Variants in MACROD2 observed in about 807,000 individuals in gnomAD.
The protein encoded by MACROD2 is ADP-ribose glycohydrolase MACROD2.
In MACROD2, 36 loss-of-function variants were observed where a neutral mutation model predicts 70.4. That is an observed-to-expected ratio of 0.51 (90% confidence interval 0.39 to 0.68). The LOEUF is 0.68. Ranked by LOEUF, MACROD2 falls within the 30% of genes least tolerant of loss-of-function variation. The pLI, the probability that MACROD2 is intolerant of heterozygous loss-of-function variation, is 0.00. For synonymous variants in MACROD2, 172 were observed against 178.8 expected (o/e 0.96, Z 0.30); for missense variants, 496 against 538.4 (o/e 0.92, Z 0.78).
intron 4 of MACROD2, among the ~76,000 whole-genome samples, chr20:14,525,885 T>C (rs2085225314): frequency 6.6e-6 from 1 of 152,234 alleles, no homozygotes; most frequent in South Asian, 2.1e-4. Flanking sequence ...TTTTCATTCA[T>C]TGCAGCCAAT....
chr20:14,504,322 T>C (rs2084946915), intron 4 of MACROD2, among the ~76,000 whole-genome samples: 1 of 152,188 alleles, frequency 6.6e-6, no homozygotes, highest in African/African-American at 2.4e-5. Context: ...TAGATAGATA[T>C]TATTATTCTT....
At position 15,311,966 on chromosome 20, in the gene MACROD2, A is replaced by T. The variant is rs183118284; in HGVS notation, c.540+81905A>T. Among the ~76,000 whole-genome samples the T allele has an allele frequency of 8.9e-3, 1,346 of 151,898 alleles. 11 individuals carry two copies. The highest frequency in any genetic ancestry group is 0.027 in the Middle Eastern group (8 of 294). On this transcript the variant is annotated intron_variant, in intron 6 of 17. Transcript: ENST00000684519. The stretch of plus-strand genomic sequence containing the variant: ...GAAAACAAAACCAAAGTGAAATTTT[A>T]AAAAAAAATTGTTTTGGAAAGTAAT...
chr20:14,969,383 CACACACACACACACACACAT>C (rs1460861692), intron 5 of MACROD2, among the ~76,000 whole-genome samples: 3 of 150,734 alleles, frequency 2.0e-5, no homozygotes, highest in Admixed American at 6.6e-5. Context: ...CACACACACA[CACACACACACACACACACAT>C]ATATAAGCAT....
chr20:16,029,329 C>T, intron 15 of MACROD2, among the ~76,000 whole-genome samples: 1 of 152,156 alleles, frequency 6.6e-6, no homozygotes, highest in Non-Finnish European at 1.5e-5. Flanking sequence ...ATTCTTGAAA[C>T]CAGCTGCTGG....
intron 5 of MACROD2, among the ~76,000 whole-genome samples, chr20:15,107,983 C>CTTTT (rs76491578): frequency 2.1e-5 from 3 of 142,680 alleles, no homozygotes; most frequent in African/African-American, 2.6e-5. Flanking sequence ...AGAGCAAGCT[C>CTTTT]TTTTTTTTTT....
At chr20:15,752,670 A>G (rs1170679440) in intron 8 of MACROD2, among the ~76,000 whole-genome samples, 2 of 152,074 alleles carry the variant, frequency 1.3e-5, no homozygotes, top group African/African-American at 2.4e-5. Context: ...CATTTCTTGT[A>G]TTAAACTTTA....
At chr20:14,863,290 T>C (rs1241089380) in intron 5 of MACROD2, among the ~76,000 whole-genome samples, 1 of 152,104 alleles carries the variant, frequency 6.6e-6, no homozygotes, top group East Asian at 1.9e-4. Context: ...TATGGGCACA[T>C]TTCACATTGT....
intron 5 of MACROD2, among the ~76,000 whole-genome samples, chr20:15,178,564 T>C (rs1295692922): frequency 1.3e-5 from 2 of 152,182 alleles, no homozygotes; most frequent in African/African-American, 4.8e-5. Context: ...AGGAGAAAGA[T>C]GCTTTCTCTC....
At chr20:14,374,968 G>A (rs1216363254) in intron 3 of MACROD2, among the ~76,000 whole-genome samples, 2 of 152,068 alleles carry the variant, frequency 1.3e-5, no homozygotes, top group African/African-American at 4.8e-5. Flanking sequence ...TTAGAGAGCA[G>A]GTAATTATCC....
chr20:15,420,595 G>A (rs951831854), intron 6 of MACROD2, among the ~76,000 whole-genome samples: 4 of 121,424 alleles, frequency 3.3e-5, no homozygotes, highest in Non-Finnish European at 7.3e-5. Context: ...TCACCCATGC[G>A]ATGGGGAAAA....
intron 8 of MACROD2, among the ~76,000 whole-genome samples, chr20:15,570,764 C>T (rs752941996): frequency 6.6e-5 from 10 of 152,242 alleles, no homozygotes; most frequent in South Asian, 4.2e-4. Flanking sequence ...CAGATTCACT[C>T]GAATTGGACC....
intron 4 of MACROD2, among the ~76,000 whole-genome samples, chr20:14,557,586 T>C (rs895553413): frequency 3.3e-5 from 5 of 151,890 alleles, no homozygotes; most frequent in Non-Finnish European, 5.9e-5. Context: ...TATTTCTCCA[T>C]ATAAGTTATT....
intron 9 of MACROD2, among the ~76,000 whole-genome samples, chr20:15,873,546 C>A (rs867114109): frequency 6.6e-6 from 1 of 152,004 alleles, no homozygotes; most frequent in Non-Finnish European, 1.5e-5. Flanking sequence ...TATAAGAACT[C>A]TTTGTATATT....
intron 6 of MACROD2, among the ~76,000 whole-genome samples, chr20:15,422,589 T>C (rs543211449): frequency 1.3e-5 from 2 of 152,304 alleles, no homozygotes; most frequent in South Asian, 4.1e-4. Flanking sequence ...ATAATGCACA[T>C]AGAGCTCTGA....
chr20:15,520,287 T>C (rs535779144), intron 8 of MACROD2, among the ~76,000 whole-genome samples: 3 of 152,326 alleles, frequency 2.0e-5, no homozygotes, highest in African/African-American at 7.2e-5. Context: ...GAGAAGAACC[T>C]GTCTTATAAT....
At chr20:15,928,448 C>G (rs1293394242) in intron 10 of MACROD2, among the ~76,000 whole-genome samples, 6 of 152,142 alleles carry the variant, frequency 3.9e-5, no homozygotes, top group Non-Finnish European at 8.8e-5. Flanking sequence ...TTTGCTGATT[C>G]ATAATTTACA....
intron 4 of MACROD2, among the ~76,000 whole-genome samples, chr20:14,527,939 G>T (rs2085253939): frequency 1.3e-5 from 2 of 152,128 alleles, no homozygotes; most frequent in Admixed American, 6.5e-5. Flanking sequence ...AGTAAAATAA[G>T]CAGCCCAGCT....
At position 15,770,634 on chromosome 20, in the gene MACROD2, A is replaced by G. The variant is rs567048995; in HGVS notation, c.646-92111A>G. Among the ~76,000 whole-genome samples the G allele has an allele frequency of 2.0e-5, 3 of 152,292 alleles. No individual in the cohort carries two copies. The East Asian group carries it at 5.8e-4, about 29-fold the overall frequency. ...TCTATTGGCACAATAATGCTGCATA[A>G]CAGACCATCCTGAAACTCAGTGGCT... On this transcript the variant is annotated intron_variant, in intron 8 of 17. Coordinates refer to ENST00000684519, the MANE Select transcript of MACROD2 (RefSeq NM_001351661.2).
intron 8 of MACROD2, among the ~76,000 whole-genome samples, chr20:15,700,656 A>C (rs1409884320): frequency 6.6e-6 from 1 of 152,126 alleles, no homozygotes; most frequent in East Asian, 1.9e-4. Context: ...AGAAGACCTC[A>C]ATTTTGTTGT....
Sources: allele counts gnomAD v4.1 joint callset (sites outside exome capture counted in the v4.1 genomes callset), GRCh38; gene constraint gnomAD v4.1.1; transcripts MANE v1.5; gene names NCBI Gene and HGNC (gene_info 2026-07-23, HGNC 2026-07-21).